The following DPP10 variants were observed in gnomAD, a reference collection of about 807,000 sequenced individuals.
DPP10 encodes the protein dipeptidyl peptidase like 10.
Under a neutral mutation model 120.9 loss-of-function variants are expected in DPP10, and 33 were observed. The ratio of observed to expected loss-of-function variants is 0.27; its 90% confidence interval spans 0.21 to 0.37. The LOEUF (loss-of-function observed/expected upper bound fraction) is 0.37, where lower values mean the gene tolerates loss of function less well. Ranked by LOEUF, DPP10 falls within the 10% of genes least tolerant of loss-of-function variation. The pLI is 1.00. For synonymous variants in DPP10, 337 were observed against 326.1 expected, an observed-to-expected ratio of 1.03 and a Z score of -0.36; for missense variants, 816 against 942.8, an observed-to-expected ratio of 0.87 and a Z score of 1.76.
chr2:115,780,729 A>G (rs1456637335), intron 15 of DPP10, 145 bp from the exon 16 acceptor site: 3 of 582,404 alleles, frequency 5.2e-6, no homozygotes, highest in Non-Finnish European at 8.4e-6. Flanking sequence ...CTTTTTATGT[A>G]TATGGTGATT....
chr2:114,519,590 T>A (rs1357319304), intron 1 of DPP10, among the ~76,000 whole-genome samples: 3 of 152,124 alleles, frequency 2.0e-5, no homozygotes, highest in Non-Finnish European at 4.4e-5. Flanking sequence ...TGCAGCTGAG[T>A]CCCCAAGTCA....
At chr2:114,730,026 A>T (rs925131459) in intron 1 of DPP10, among the ~76,000 whole-genome samples, 1 of 152,254 alleles carries the variant, frequency 6.6e-6, no homozygotes, top group Non-Finnish European at 1.5e-5. Context: ...TCGTTCTATC[A>T]GACAAATTTA....
At chr2:114,658,253 A>C (rs1697111488) in intron 1 of DPP10, among the ~76,000 whole-genome samples, 1 of 152,150 alleles carries the variant, frequency 6.6e-6, no homozygotes. Flanking sequence ...TATGGAGATA[A>C]AGGATATTTG....
chr2:115,163,566 C>A (rs1384168366), intron 1 of DPP10, among the ~76,000 whole-genome samples: 2 of 152,178 alleles, frequency 1.3e-5, no homozygotes, highest in African/African-American at 4.8e-5. Context: ...TAATCCCCAG[C>A]ACACATCAGA....
chr2:115,598,359 TCTGATCTCCCTTCC>T (rs1368973571), intron 5 of DPP10, among the ~76,000 whole-genome samples: 18 of 152,008 alleles, frequency 1.2e-4, no homozygotes, highest in Non-Finnish European at 2.4e-4. Context: ...TTTTTGGTCC[TCTGATCTCCCTTCC>T]CTGCCTTCTT....
rs979198547 is a variant in DPP10 at position 114,797,472 on chromosome 2, C to T, written c.60+354634C>T. Among the ~76,000 whole-genome samples, 5 of 152,164 alleles carry T rather than the reference C, an allele frequency of 3.3e-5. No homozygotes were observed. The South Asian group carries it at 6.2e-4, about 19-fold the overall frequency. On this transcript the variant is annotated intron_variant, in intron 1 of 25. Transcript: ENST00000410059. Reference sequence around the variant, plus strand: ...AATGACAGTCAGCATTACCAGATAACGTTGGAGCATTAACAAGAATATCTG... The same window carrying T: ...AATGACAGTCAGCATTACCAGATAATGTTGGAGCATTAACAAGAATATCTG...
intron 5 of DPP10, among the ~76,000 whole-genome samples, chr2:115,666,600 A>G (rs1368675244): frequency 4.6e-5 from 7 of 152,084 alleles, no homozygotes; most frequent in Non-Finnish European, 7.4e-5. Flanking sequence ...ATTCTATTTT[A>G]TGGCTGTTTA....
chr2:114,886,701 T>C (rs17732501), intron 1 of DPP10, among the ~76,000 whole-genome samples: 37,653 of 152,104 alleles, frequency 0.25, 4,715 homozygotes, highest in Middle Eastern at 0.34. Flanking sequence ...TGGATATATT[T>C]GCCTCTGTGT....
chr2:115,144,810 T>C (rs2051132095), intron 1 of DPP10: 1 of 151,710 alleles, frequency 6.6e-6, no homozygotes, highest in Non-Finnish European at 1.5e-5. Context: ...AAACTTAAAG[T>C]ATAATAATAA....
intron 1 of DPP10, among the ~76,000 whole-genome samples, chr2:115,304,176 G>A (rs573664818): frequency 3.4e-4 from 51 of 151,918 alleles, no homozygotes; most frequent in Admixed American, 2.8e-3. Flanking sequence ...TTAACAGAAC[G>A]TGAACTGATG....
At chr2:115,000,127 A>G (rs1433851764) in intron 1 of DPP10, among the ~76,000 whole-genome samples, 2 of 151,354 alleles carry the variant, frequency 1.3e-5, no homozygotes, top group Non-Finnish European at 2.9e-5. Context: ...CTCTACATTT[A>G]TGGGGTTTTT....
intron 3 of DPP10, among the ~76,000 whole-genome samples, chr2:115,384,861 C>T (rs2066796638): frequency 1.3e-5 from 2 of 152,192 alleles, no homozygotes; most frequent in African/African-American, 4.8e-5. Context: ...TTGAATTTTA[C>T]TCCCGTAATT....
At chr2:114,794,921 G>A (rs765238932) in intron 1 of DPP10, among the ~76,000 whole-genome samples, 7 of 152,192 alleles carry the variant, frequency 4.6e-5, no homozygotes, top group Non-Finnish European at 8.8e-5. Flanking sequence ...TAAGCTCTCA[G>A]TACATTGCGT....
intron 1 of DPP10, among the ~76,000 whole-genome samples, chr2:115,031,066 C>T: frequency 6.6e-6 from 1 of 152,308 alleles, no homozygotes; most frequent in East Asian, 1.9e-4. Flanking sequence ...GAATTTGACA[C>T]CCTTCTCAGA....
At chr2:115,486,624 T>G (rs115016999) in intron 3 of DPP10, among the ~76,000 whole-genome samples, 1 of 152,160 alleles carries the variant, frequency 6.6e-6, no homozygotes, top group African/African-American at 2.4e-5. Context: ...GTATGAAGTC[T>G]AGAAACTTTT....
chr2:115,059,703 A>AAAAAAAC (rs56146333), intron 1 of DPP10, among the ~76,000 whole-genome samples: 1 of 150,248 alleles, frequency 6.7e-6, no homozygotes, highest in Non-Finnish European at 1.5e-5. Context: ...AAAAAAAAAA[A>AAAAAAAC]GCAAACGTGG....
intron 1 of DPP10, among the ~76,000 whole-genome samples, chr2:115,294,237 G>T (rs2060785134): frequency 1.3e-5 from 2 of 152,074 alleles, no homozygotes; most frequent in South Asian, 4.1e-4. Context: ...CATGGTGTGG[G>T]TGGGCATGCA....
chr2:115,803,452 G>T (rs1343942884), intron 19 of DPP10, among the ~76,000 whole-genome samples: 1 of 152,148 alleles, frequency 6.6e-6, no homozygotes, highest in African/African-American at 2.4e-5. Context: ...GTATTGTTAT[G>T]TGTGAATTTG....
At chr2:115,038,447 T>C (rs1704389746) in intron 1 of DPP10, among the ~76,000 whole-genome samples, 1 of 151,776 alleles carries the variant, frequency 6.6e-6, no homozygotes. Flanking sequence ...ATGTTTTTTT[T>C]AACAGATTTT....
Sources: gnomAD v4.1 joint callset for allele counts (sites outside exome capture counted in the v4.1 genomes callset) on GRCh38, gnomAD v4.1.1 for gene constraint, MANE v1.5 for transcripts, NCBI Gene and HGNC (gene_info 2026-07-23, HGNC 2026-07-21) for gene names.